Variants in LARGE1 observed in about 807,000 individuals in gnomAD.
LARGE1 encodes xylosyl- and glucuronyltransferase LARGE1.
Under a neutral mutation model 87.6 loss-of-function variants are expected in LARGE1, and 43 were observed. The observed-to-expected ratio is 0.49, with a 90% CI of 0.38 to 0.63. The LOEUF (loss-of-function observed/expected upper bound fraction) is 0.63, where lower values mean the gene tolerates loss of function less well. Among genes scored for constraint, LARGE1 ranks in the 30% least tolerant of loss-of-function variants. The pLI, the probability that LARGE1 is intolerant of heterozygous loss-of-function variation, is 0.00. For missense variants in LARGE1, 802 were observed against 1,000.2 expected (o/e 0.80, Z 2.67); for synonymous variants, 434 against 394.6 (o/e 1.10, Z -1.18).
At chr22:33,171,165 T>C (rs1292148161) in intron 11 of LARGE1, among the ~76,000 whole-genome samples, 11 of 152,124 alleles carry the variant, frequency 7.2e-5, no homozygotes, top group Non-Finnish European at 1.6e-4. Context: ...GTAGAAGAAA[T>C]TTCTAAGCAG....
intron 4 of LARGE1, among the ~76,000 whole-genome samples, chr22:33,615,496 A>T (rs1054046025): frequency 7.2e-5 from 1 of 13,982 alleles, no homozygotes; most frequent in Admixed American, 1.1e-3. Flanking sequence ...AATAATTTTT[A>T]AAAAACCCTT....
At chr22:33,205,313 G>A (rs1263132757) in intron 11 of LARGE1, among the ~76,000 whole-genome samples, 2 of 152,220 alleles carry the variant, frequency 1.3e-5, no homozygotes, top group Non-Finnish European at 2.9e-5. Context: ...CTATGTGCCA[G>A]CCACAGGGAA....
chr22:33,100,734 G>A, the LARGE1 span, among the ~76,000 whole-genome samples: 1 of 152,146 alleles, frequency 6.6e-6, no homozygotes, highest in African/African-American at 2.4e-5. Flanking sequence ...ATCCGATGCT[G>A]CTGGTTCACT....
the LARGE1 span, among the ~76,000 whole-genome samples, chr22:33,082,893 C>T: frequency 2.0e-5 from 3 of 151,964 alleles, no homozygotes; most frequent in Non-Finnish European, 4.4e-5. Flanking sequence ...GGCGTGGTGG[C>T]GGGCACCTGT....
At chr22:33,902,239 C>G (rs972010431) in intron 1 of LARGE1, among the ~76,000 whole-genome samples, 2 of 152,198 alleles carry the variant, frequency 1.3e-5, no homozygotes, top group Non-Finnish European at 2.9e-5. Flanking sequence ...CTCTCTCACA[C>G]ACGGGAGTGC....
chr22:33,491,530 A>T (rs367797802), intron 6 of LARGE1, among the ~76,000 whole-genome samples: 13 of 152,232 alleles, frequency 8.5e-5, no homozygotes, highest in African/African-American at 3.1e-4. Context: ...GGTGAGAGAA[A>T]ATTCTGAAGA....
chr22:33,864,442 C>G (rs1294279271), intron 1 of LARGE1, among the ~76,000 whole-genome samples: 1 of 152,214 alleles, frequency 6.6e-6, no homozygotes, highest in Non-Finnish European at 1.5e-5. Context: ...CTTCGTGTTG[C>G]TGGGGAAAGC....
chr22:33,559,140 C>T (rs1434411192), intron 6 of LARGE1, among the ~76,000 whole-genome samples: 2 of 152,224 alleles, frequency 1.3e-5, no homozygotes, highest in Non-Finnish European at 1.5e-5. Flanking sequence ...GATCAAGGCT[C>T]CGGCAGATCA....
chr22:33,692,453 G>T (rs572797565), intron 2 of LARGE1, among the ~76,000 whole-genome samples: 2 of 152,188 alleles, frequency 1.3e-5, no homozygotes, highest in Non-Finnish European at 2.9e-5. Flanking sequence ...TGGGAGTACA[G>T]GCACCCGTCA....
At chr22:33,069,645 T>C in the LARGE1 span, among the ~76,000 whole-genome samples, 1 of 152,142 alleles carries the variant, frequency 6.6e-6, no homozygotes, top group Non-Finnish European at 1.5e-5. Flanking sequence ...TAGAATACTT[T>C]CTGGTACACC....
At chr22:33,899,787 T>C (rs1434597119) in intron 1 of LARGE1, among the ~76,000 whole-genome samples, 1 of 152,208 alleles carries the variant, frequency 6.6e-6, no homozygotes, top group East Asian at 1.9e-4. Context: ...GGGAATAACA[T>C]GAAAATCTAT....
In LARGE1 at chr22:33,245,200, G is replaced by C. The variant is rs143145127; in HGVS notation, c.1730+59029C>G. ...AGAAGGAGCCAAATCAGGACAGCAA[G>C]GTGGTTGTCTAATGATTTCTCATTG... is the stretch of plus-strand genomic sequence containing the variant. On this transcript the variant is annotated intron_variant, in intron 11 of 11. Transcript: ENST00000608642. 5.1e-3 allele frequency among the ~76,000 whole-genome samples: 773 copies of C among 152,286 alleles called. 9 individuals carry two copies. Among genetic ancestry groups the C allele is most frequent in the African/African-American group, 0.018 (747 of 41,562 alleles).
chr22:33,522,148 C>T (rs1602239633), intron 6 of LARGE1, among the ~76,000 whole-genome samples: 2 of 152,302 alleles, frequency 1.3e-5, no homozygotes, highest in African/African-American at 4.8e-5. Context: ...CACTGAGGAT[C>T]ACATTTCAAC....
At chr22:33,664,873 A>G (rs1012644762) in intron 2 of LARGE1, among the ~76,000 whole-genome samples, 17 of 152,010 alleles carry the variant, frequency 1.1e-4, no homozygotes, top group Non-Finnish European at 1.6e-4. Flanking sequence ...AACAACAACA[A>G]CAGCAACAAC....
chr22:33,275,624 G>A (rs1241854897), intron 14 of LARGE1, among the ~76,000 whole-genome samples: 1 of 152,196 alleles, frequency 6.6e-6, no homozygotes, highest in African/African-American at 2.4e-5. Context: ...CCATGGGTGT[G>A]GGTGTTAATA....
chr22:33,576,941 A>T (rs957399704), intron 5 of LARGE1, among the ~76,000 whole-genome samples: 1 of 152,204 alleles, frequency 6.6e-6, no homozygotes, highest in Admixed American at 6.5e-5. Context: ...TTTTCCCCTG[A>T]ATACTGTCAA....
the LARGE1 span, among the ~76,000 whole-genome samples, chr22:33,070,346 C>T: frequency 6.6e-6 from 1 of 152,108 alleles, no homozygotes; most frequent in Non-Finnish European, 1.5e-5. Context: ...TGGTTTGCAA[C>T]CAGAGATGAC....
At chr22:33,265,060 C>G (rs1927858109) in intron 11 of LARGE1, among the ~76,000 whole-genome samples, 2 of 151,724 alleles carry the variant, frequency 1.3e-5, no homozygotes, top group African/African-American at 2.4e-5. Context: ...GCCACCATGC[C>G]TGGCTAATTT....
chr22:33,432,081 C>T (rs2067099568), intron 7 of LARGE1, 80 bp downstream of exon 7: 1 of 1,181,648 alleles, frequency 8.5e-7, no homozygotes, highest in Non-Finnish European at 1.3e-6. Flanking sequence ...TGAGCTTTTG[C>T]AATCTCCTCT....
Sources: gnomAD v4.1 joint callset for allele counts (sites outside exome capture counted in the v4.1 genomes callset) on GRCh38, gnomAD v4.1.1 for gene constraint, MANE v1.5 for transcripts, NCBI Gene and HGNC (gene_info 2026-07-23, HGNC 2026-07-21) for gene names.